The following RIT2 variants were observed in gnomAD, a reference collection of about 807,000 sequenced individuals.
The protein encoded by RIT2 is GTP-binding protein Rit2.
RIT2 carries 24 observed loss-of-function variants against 23.7 expected under a neutral mutation model. That is an observed-to-expected ratio of 1.01 (90% CI 0.73 to 1.43). The LOEUF (loss-of-function observed/expected upper bound fraction) is 1.43. RIT2 is among the 40% of genes most tolerant of loss of function. The probability of loss-of-function intolerance (pLI) is 0.00; values close to 1 mark genes in which losing one functional copy is unlikely to be tolerated. For missense variants in RIT2, 236 were observed against 266.9 expected (o/e 0.88, Z 0.81); for synonymous variants, 107 against 91.1 (o/e 1.17, Z -0.99).
At chr18:42,766,733 C>T (rs1358616299) in intron 4 of RIT2, among the ~76,000 whole-genome samples, 1 of 152,188 alleles carries the variant, frequency 6.6e-6, no homozygotes, top group Non-Finnish European at 1.5e-5. Context: ...CTATCACTGG[C>T]CTGGAGGCCC....
chr18:42,752,230 CAAG>C (rs1244474083), intron 4 of RIT2, among the ~76,000 whole-genome samples: 1 of 152,074 alleles, frequency 6.6e-6, no homozygotes, highest in East Asian at 1.9e-4. Flanking sequence ...GAATGTATTA[CAAG>C]AAGTAACAGC....
chr18:43,036,568 G>A (rs929824854), intron 1 of RIT2, among the ~76,000 whole-genome samples: 2 of 145,210 alleles, frequency 1.4e-5, no homozygotes, highest in South Asian at 2.2e-4. Context: ...AGCCTGCCCC[G>A]CAAAAACAAA....
intron 4 of RIT2, among the ~76,000 whole-genome samples, chr18:42,819,713 T>C (rs1231938721): frequency 2.0e-5 from 3 of 152,124 alleles, no homozygotes; most frequent in African/African-American, 7.2e-5. Flanking sequence ...CTGTATTCAT[T>C]GTCCCATTTT....
chr18:43,006,412 C>T (rs916029465), intron 2 of RIT2, among the ~76,000 whole-genome samples: 1 of 151,438 alleles, frequency 6.6e-6, no homozygotes, highest in Non-Finnish European at 1.5e-5. Flanking sequence ...GGACAGTTCA[C>T]CAAACATTTG....
chr18:43,072,787 A>T (rs529784616), intron 1 of RIT2, among the ~76,000 whole-genome samples: 1 of 152,090 alleles, frequency 6.6e-6, no homozygotes. Context: ...TAACTAATTA[A>T]TCTCTTACTG....
intron 3 of RIT2, among the ~76,000 whole-genome samples, chr18:42,967,536 A>ATTTTTTTTTTTT (rs397940927): frequency 3.7e-5 from 3 of 80,762 alleles, no homozygotes; most frequent in African/African-American, 1.1e-4. Context: ...CGCCCGGCTA[A>ATTTTTTTTTTTT]TTTTTTTTTT....
At chr18:43,026,092 C>G (rs1246087283) in intron 2 of RIT2, among the ~76,000 whole-genome samples, 1 of 151,930 alleles carries the variant, frequency 6.6e-6, no homozygotes, top group Non-Finnish European at 1.5e-5. Context: ...TCTTCTGGCT[C>G]AGATCAAGAT....
chr18:42,920,904 A>C, intron 4 of RIT2: 1 of 590,556 alleles, frequency 1.7e-6, no homozygotes. Flanking sequence ...GCTGCAAACC[A>C]TCCAGGTGTC....
intron 3 of RIT2, among the ~76,000 whole-genome samples, chr18:42,924,284 A>G (rs1308886384): frequency 6.6e-6 from 1 of 152,138 alleles, no homozygotes; most frequent in Non-Finnish European, 1.5e-5. Context: ...TTAGAGTTAG[A>G]CCTGGTTTTC....
At chr18:42,923,810 T>A in intron 3 of RIT2, 47 bp from the exon 4 acceptor site, 3 of 1,408,374 alleles carry the variant, frequency 2.1e-6, no homozygotes, top group Non-Finnish European at 2.9e-6. Flanking sequence ...TCAATATAGC[T>A]AATTAATATG....
chr18:43,110,526 T>C (rs1459016676), intron 1 of RIT2, among the ~76,000 whole-genome samples: 2 of 152,124 alleles, frequency 1.3e-5, no homozygotes, highest in African/African-American at 4.8e-5. Flanking sequence ...TTATAAGGAT[T>C]GTTTAGGCTC....
chr18:43,036,978 T>A (rs1911995923), intron 1 of RIT2, among the ~76,000 whole-genome samples: 2 of 152,210 alleles, frequency 1.3e-5, no homozygotes, highest in African/African-American at 4.8e-5. Context: ...GTTACACAGT[T>A]TTATATCCTT....
At position 42,939,355 on chromosome 18, in the gene RIT2, C is replaced by T. The variant is rs1909538617; in HGVS notation, c.235-15592G>A. The stretch of plus-strand genomic sequence containing the variant: ...TGCAAGACCAAGTCCGTTATTACAA[C>T]TAAAGCTCTGTAAAAATTTCCTCTT... On this transcript the variant is annotated intron_variant, in intron 3 of 4. Transcript: ENST00000326695. 2.0e-5 allele frequency among the ~76,000 whole-genome samples: 3 copies of T among 152,236 alleles called. No homozygotes were observed. The South Asian group carries it at 6.2e-4, about 32-fold the overall frequency.
At chr18:43,112,517 A>G (rs1416186726) in intron 1 of RIT2, among the ~76,000 whole-genome samples, 1 of 152,228 alleles carries the variant, frequency 6.6e-6, no homozygotes, top group African/African-American at 2.4e-5. Context: ...ATTAACTGAC[A>G]TATTTTAAAT....
chr18:42,986,129 T>A (rs1371770804), intron 2 of RIT2, among the ~76,000 whole-genome samples: 1 of 151,380 alleles, frequency 6.6e-6, no homozygotes, highest in Non-Finnish European at 1.5e-5. Flanking sequence ...AACTTCTGCC[T>A]CCTGGGTTCA....
At chr18:42,765,061 T>C (rs1417837425) in intron 4 of RIT2, among the ~76,000 whole-genome samples, 2 of 152,212 alleles carry the variant, frequency 1.3e-5, no homozygotes, top group African/African-American at 4.8e-5. Context: ...GATTGGAATA[T>C]CCATTAATTT....
Position 43,063,308 on chromosome 18 carries a change from G to A in RIT2, c.104-29441C>T, listed in dbSNP as rs75672164. Among the ~76,000 whole-genome samples, 685 of 152,192 alleles carry A rather than the reference G, an allele frequency of 4.5e-3. 9 individuals carry two copies. Among genetic ancestry groups the A allele is most frequent in the African/African-American group, 0.015 (643 of 41,546 alleles). On this transcript the variant is annotated intron_variant, in intron 1 of 4. Coordinates refer to ENST00000326695, the MANE Select transcript of RIT2 (RefSeq NM_002930.4). ...TCACAGCCAACCGTCAAAAGCACAG[G>A]GTTCTATGCCCGTAGCCTGGTGTGT...
At chr18:42,915,613 G>C (rs954070476) in intron 4 of RIT2, among the ~76,000 whole-genome samples, 3 of 151,974 alleles carry the variant, frequency 2.0e-5, no homozygotes, top group Admixed American at 2.0e-4. Context: ...AAAGCAAACA[G>C]TTACAATGTC....
chr18:42,748,962 A>G (rs1384340854), intron 4 of RIT2, among the ~76,000 whole-genome samples: 3 of 152,038 alleles, frequency 2.0e-5, no homozygotes, highest in Admixed American at 6.6e-5. Flanking sequence ...TTCAGTAAGG[A>G]TATAGGGGAC....
Sources: allele counts gnomAD v4.1 joint callset (sites outside exome capture counted in the v4.1 genomes callset), GRCh38; gene constraint gnomAD v4.1.1; transcripts MANE v1.5; gene names NCBI Gene and HGNC (gene_info 2026-07-23, HGNC 2026-07-21).